Variants in PCDHGA10 observed in about 807,000 individuals in gnomAD.
PCDHGA10 encodes protocadherin gamma subfamily A, 10, also known as protocadherin gamma-A10.
A neutral mutation model predicts 59.5 loss-of-function variants in PCDHGA10; 42 were observed. The observed-to-expected ratio is 0.71, with a 90% CI of 0.55 to 0.91. The LOEUF (loss-of-function observed/expected upper bound fraction) is 0.91. Among genes scored for constraint, PCDHGA10 ranks in the 40% least tolerant of loss-of-function variants. The pLI is 0.00. For missense variants in PCDHGA10, 1,111 were observed against 1,198.2 expected, an observed-to-expected ratio of 0.93 and a Z score of 1.07; for synonymous variants, 511 against 517.2, an observed-to-expected ratio of 0.99 and a Z score of 0.16.
chr5:141,466,766 T>G (rs1309395984), intron 1 of PCDHGA10, among the ~76,000 whole-genome samples: 2 of 152,194 alleles, frequency 1.3e-5, no homozygotes, highest in Non-Finnish European at 2.9e-5. Context: ...TTTCAAACTG[T>G]TATCTTATTC....
chr5:141,418,151 G>A (rs1276817622), intron 1 of PCDHGA10: 4 of 1,613,990 alleles, frequency 2.5e-6, no homozygotes, highest in East Asian at 4.5e-5. Context: ...AATATGCAAA[G>A]AGAGAAGAAG....
chr5:141,423,809 G>C, intron 1 of PCDHGA10: 1 of 1,260,030 alleles, frequency 7.9e-7, no homozygotes, highest in Non-Finnish European at 1.0e-6. Context: ...ATACATGTGA[G>C]TTTTACTTTG....
In PCDHGA10 at chr5:141,415,516, G is replaced by T. The variant is rs199990575; in HGVS notation, c.2341G>T (p.Asp781Tyr). The T allele has an allele frequency of 1.9e-6, 3 of 1,614,220 alleles. No individual in the cohort carries two copies. In the African/African-American group the frequency reaches 4.0e-5, roughly 22 times the overall value. ...HLIFPQPNYA[D>Y]TLISQESCEK... ...GATCTTCCCCCAGCCCAATTATGCG[G>T]ACACGCTCATCAGCCAGGAGAGCTG... Residue 781 changes from aspartate (D) to tyrosine (Y), a missense_variant, in exon 1 of 4, where the codon GAC becomes TAC. Asp to Tyr is a radical substitution (Grantham distance 160). Coordinates refer to ENST00000398610, the MANE Select transcript of PCDHGA10 (RefSeq NM_018913.3).
chr5:141,447,954 C>T (rs927510517), intron 1 of PCDHGA10, among the ~76,000 whole-genome samples: 11 of 151,814 alleles, frequency 7.2e-5, no homozygotes, highest in Non-Finnish European at 1.2e-4. Flanking sequence ...GGCATGGTGG[C>T]GGACACCTAT....
At chr5:141,430,842 G>A (rs935750449) in intron 1 of PCDHGA10, 4 of 1,567,068 alleles carry the variant, frequency 2.6e-6, no homozygotes, top group Non-Finnish European at 3.4e-6. Flanking sequence ...GAGACCGGAT[G>A]CACCCAGATA....
Position 141,491,197 on chromosome 5 carries a change from G to A in PCDHGA10, c.2437-3610G>A. Reference sequence around the variant, plus strand: ...GGTGGTCCTGGTGAGGGACAATGGTGACCCTTCACTCTCCTCCACAGCCAC... The same window carrying A: ...GGTGGTCCTGGTGAGGGACAATGGTAACCCTTCACTCTCCTCCACAGCCAC... On this transcript the variant is annotated intron_variant, in intron 1 of 3. Coordinates refer to ENST00000398610, the MANE Select transcript of PCDHGA10 (RefSeq NM_018913.3). The surrounding 1 kb of genome is among the most constrained non-coding windows in gnomAD (Gnocchi z 6.9). 6.2e-7 allele frequency: 1 copy of A among 1,614,190 alleles called. No individual in the cohort carries two copies. The highest frequency in any genetic ancestry group is 8.5e-7 in the Non-Finnish European group (1 of 1,180,024).
At chr5:141,481,013 A>G (rs1198627648) in intron 1 of PCDHGA10, among the ~76,000 whole-genome samples, 1 of 152,164 alleles carries the variant, frequency 6.6e-6, no homozygotes, top group Admixed American at 6.5e-5. Context: ...AGCCCAGATC[A>G]CACCACTGCA....
At chr5:141,470,795 C>T (rs947636574) in intron 1 of PCDHGA10, among the ~76,000 whole-genome samples, 2 of 152,182 alleles carry the variant, frequency 1.3e-5, no homozygotes, top group Non-Finnish European at 2.9e-5. Context: ...TCAAGCAATC[C>T]TCCCACTTCA....
Position 141,414,566 on chromosome 5 carries a change from A to G in PCDHGA10, c.1391A>G (p.Tyr464Cys), listed in dbSNP as rs375828619. The stretch of plus-strand genomic sequence containing the variant: ...TTCTCTCAAGTCTCCTACTTTACCT[A>G]TATCCCAGAGAACAACGCCAGGGGT... ...PTFSQVSYFT[Y>C]IPENNARGAS... is the part of the protein sequence containing the mutation. Residue 464 changes from tyrosine to cysteine, a missense_variant, in exon 1 of 4, where the codon TAT becomes TGT. By Grantham distance (194) the Tyr-to-Cys change is radical (BLOSUM62 -2). Coordinates refer to ENST00000398610, the MANE Select transcript of PCDHGA10 (RefSeq NM_018913.3). The G allele has an allele frequency of 6.6e-5, 106 of 1,613,800 alleles. No homozygotes were observed. Among genetic ancestry groups the G allele is most frequent in the Non-Finnish European group, 8.4e-5 (99 of 1,179,878 alleles).
chr5:141,445,623 A>G (rs2098472971), intron 1 of PCDHGA10, among the ~76,000 whole-genome samples: 1 of 152,172 alleles, frequency 6.6e-6, no homozygotes, highest in South Asian at 2.1e-4. Flanking sequence ...TTTTTTTCGG[A>G]AAGTGATATT....
intron 1 of PCDHGA10, among the ~76,000 whole-genome samples, chr5:141,451,579 A>T (rs1222576609): frequency 6.6e-6 from 1 of 152,084 alleles, no homozygotes; most frequent in African/African-American, 2.4e-5. Flanking sequence ...TTATAAACCT[A>T]ATTTTGAAAG....
At chr5:141,505,275 AGGTCTTGGGCATGGGGTAG>A (rs1251192617) in intron 2 of PCDHGA10, 99 bp from the exon 3 acceptor site, 87 of 1,525,470 alleles carry the variant, frequency 5.7e-5, no homozygotes, top group Non-Finnish European at 2.0e-5. Context: ...TGAGAGAAAC[AGGTCTTGGGCATGGGGTAG>A]GGTTAGGGTA....
At chr5:141,472,219 A>C (rs2099274667) in intron 1 of PCDHGA10, among the ~76,000 whole-genome samples, 1 of 152,210 alleles carries the variant, frequency 6.6e-6, no homozygotes, top group Non-Finnish European at 1.5e-5. Context: ...CTTACTCTCG[A>C]TCATATAATA....
rs756243026 is a variant in PCDHGA10, at chr5:141,487,478, T to C, written c.2437-7329T>C. On this transcript the variant is annotated intron_variant, in intron 1 of 3. Transcript: ENST00000398610. This position sits in a 1 kb window ranked among gnomAD's most constrained non-coding sequence, Gnocchi z 5.0. ...CAAGTTTGTTGATGTGGGAGGCCAC[T>C]CTCATGGCTGTACACCCTTGGCTTC... is the stretch of plus-strand genomic sequence containing the variant. 6 of 1,614,078 alleles carry C rather than the reference T, an allele frequency of 3.7e-6. No individual in the cohort carries two copies. In the Admixed American group the frequency reaches 1.0e-4, roughly 27 times the overall value.
In PCDHGA10 at chr5:141,485,974, A is replaced by G. The variant is rs755735500; in HGVS notation, c.2437-8833A>G. 1.9e-6 allele frequency: 3 copies of G among 1,614,108 alleles called. No homozygotes were observed. The highest frequency in any genetic ancestry group is 1.7e-5 in the Admixed American group (1 of 60,014). On this transcript the variant is annotated intron_variant, in intron 1 of 3. Coordinates refer to ENST00000398610, the MANE Select transcript of PCDHGA10 (RefSeq NM_018913.3). This position sits in a 1 kb window ranked among gnomAD's most constrained non-coding sequence, Gnocchi z 5.7. ...TGGTGCTCATCCAGCTCAATGCCTC[A>G]GACCCGGACCTGGGTCCCAGTGGTA...
rs1053018756 is a variant in PCDHGA10, at chr5:141,497,630, G to T, written c.2495+2765G>T. ...TCTTGGCTCACTGCAACCTCTGCCT[G>T]CCAGGTTCAAGCGATTCTCCTGCCT... is the stretch of plus-strand genomic sequence containing the variant. On this transcript the variant is annotated intron_variant, in intron 2 of 3. Coordinates refer to ENST00000398610, the MANE Select transcript of PCDHGA10 (RefSeq NM_018913.3). 3.3e-5 allele frequency among the ~76,000 whole-genome samples: 5 copies of T among 150,256 alleles called. No homozygotes were observed. The Admixed American group carries it at 3.3e-4, about 10-fold the overall frequency.
chr5:141,481,183 G>A (rs2099533234), intron 1 of PCDHGA10, among the ~76,000 whole-genome samples: 1 of 152,146 alleles, frequency 6.6e-6, no homozygotes, highest in African/African-American at 2.4e-5. Flanking sequence ...GCTTTATTGG[G>A]CCAGGCCCAA....
chr5:141,486,121 T>G lies in PCDHGA10; in HGVS notation c.2437-8686T>G. The G allele has an allele frequency of 6.2e-7, 1 of 1,614,204 alleles. No homozygotes were observed. Among genetic ancestry groups the G allele is most frequent in the Non-Finnish European group, 8.5e-7 (1 of 1,180,036 alleles). Reference sequence around the variant, plus strand: ...TAGACTTTGAGAGTGAGAATTACTATGAATTTGATGTGCGGGCTCGCGATG... The same window carrying G: ...TAGACTTTGAGAGTGAGAATTACTAGGAATTTGATGTGCGGGCTCGCGATG... On this transcript the variant is annotated intron_variant, in intron 1 of 3. Transcript: ENST00000398610. The surrounding 1 kb of genome is among the most constrained non-coding windows in gnomAD (Gnocchi z 5.0).
chr5:141,469,677 T>C (rs1271778909), intron 1 of PCDHGA10, among the ~76,000 whole-genome samples: 1 of 152,246 alleles, frequency 6.6e-6, no homozygotes, highest in African/African-American at 2.4e-5. Context: ...TAAAACTACA[T>C]ATGCATTGGT....
Sources: allele counts gnomAD v4.1 joint callset (sites outside exome capture counted in the v4.1 genomes callset), GRCh38; gene constraint gnomAD v4.1.1; non-coding constraint Gnocchi (gnomAD v3.1); transcripts MANE v1.5; gene names NCBI Gene and HGNC (gene_info 2026-07-23, HGNC 2026-07-21).